PRKG1: variants seen among roughly 807,000 people sequenced by gnomAD.
PRKG1 encodes the protein protein kinase cGMP-dependent 1.
A neutral mutation model predicts 88.1 loss-of-function variants in PRKG1; 35 were observed. The observed-to-expected ratio is 0.40, with a 90% CI of 0.30 to 0.53. The LOEUF is 0.53. Among genes scored for constraint, PRKG1 ranks in the 20% least tolerant of loss-of-function variants. The pLI, the probability that PRKG1 is intolerant of heterozygous loss-of-function variation, is 0.59. For missense variants in PRKG1, 540 were observed against 839.8 expected (o/e 0.64, Z 4.41); for synonymous variants, 303 against 292.5 (o/e 1.04, Z -0.37).
chr10:52,290,356 A>T (rs578073009), intron 17 of PRKG1, 66 bp downstream of exon 17: 2 of 1,338,750 alleles, frequency 1.5e-6, no homozygotes, highest in South Asian at 2.6e-5. Flanking sequence ...GTCAACAATG[A>T]TCTGTTATTT....
chr10:52,129,427 C>G (rs1307130098), intron 7 of PRKG1, among the ~76,000 whole-genome samples: 5 of 152,140 alleles, frequency 3.3e-5, no homozygotes, highest in African/African-American at 1.2e-4. Flanking sequence ...TCTACTATCA[C>G]TCCTAAAATG....
rs770033524 is a variant in PRKG1, at chr10:51,907,007, T to G, written c.699-500T>G. Reference sequence around the variant, plus strand: ...GACTTACAATGAGACTTAAGATTTCTATTTCTATTTGAATGTTAATTCTAG... The same window carrying G: ...GACTTACAATGAGACTTAAGATTTCGATTTCTATTTGAATGTTAATTCTAG... On this transcript the variant is annotated intron_variant, in intron 4 of 17. Transcript: ENST00000373980. Among the ~76,000 whole-genome samples, 3 of 152,200 alleles carry G rather than the reference T, an allele frequency of 2.0e-5. No homozygotes were observed. The East Asian group carries it at 5.8e-4, about 29-fold the overall frequency.
chr10:51,885,958 C>T (rs553661659), intron 4 of PRKG1, among the ~76,000 whole-genome samples: 2 of 152,258 alleles, frequency 1.3e-5, no homozygotes, highest in East Asian at 3.9e-4. Context: ...TTCTCAAAAC[C>T]GCATGGTGCC....
At chr10:51,641,104 A>G (rs541053660) in intron 3 of PRKG1, among the ~76,000 whole-genome samples, 1 of 152,302 alleles carries the variant, frequency 6.6e-6, no homozygotes, top group East Asian at 1.9e-4. Context: ...TAATACTGCA[A>G]AATGAGTGAA....
rs1308706166 is a variant in PRKG1 at position 52,188,240 on chromosome 10, ACATATATATG to A, written c.1076+26278_1076+26287del. The stretch of plus-strand genomic sequence containing the variant: ...TATATATATACATATGTATATATAT[ACATATATATG>A]TGTATATATATACATATGTATATAT... On this transcript the variant is annotated intron_variant, in intron 9 of 17. Coordinates refer to ENST00000373980, the MANE Select transcript of PRKG1 (RefSeq NM_006258.4). Among the ~76,000 whole-genome samples, 54 of 11,294 alleles carry A rather than the reference ACATATATATG, an allele frequency of 4.8e-3. 2 individuals are homozygous for A. The South Asian group carries it at 0.056, about 12-fold the overall frequency. The allele number at this position is 11,294 out of a possible 152,430, so 7.4% of individuals were successfully genotyped here. A position where few individuals can be genotyped will look rare whatever the true frequency, so the allele number is the denominator to read the frequency against.
chr10:52,054,432 T>A, intron 5 of PRKG1, 52 bp from the exon 6 acceptor site: 1 of 1,377,460 alleles, frequency 7.3e-7, no homozygotes, highest in Non-Finnish European at 1.0e-6. Context: ...GCTGAGCTGT[T>A]TGGTAACTTA....
At chr10:51,253,499 A>AT (rs1589282049) in intron 2 of PRKG1, among the ~76,000 whole-genome samples, 1 of 151,888 alleles carries the variant, frequency 6.6e-6, no homozygotes, top group Non-Finnish European at 1.5e-5. Context: ...TGATTTTGAG[A>AT]TTAAAGAGTT....
At chr10:51,251,581 T>A (rs7097901) in intron 2 of PRKG1, among the ~76,000 whole-genome samples, 1,746 of 149,896 alleles carry the variant, frequency 0.012, 33 homozygotes, top group African/African-American at 0.04. Context: ...TCAACTTATA[T>A]GAAGAAATCT....
intron 3 of PRKG1, among the ~76,000 whole-genome samples, chr10:51,640,538 A>C (rs923336823): frequency 6.6e-6 from 1 of 152,194 alleles, no homozygotes; most frequent in African/African-American, 2.4e-5. Context: ...CAACACTAAC[A>C]CACTGGTTAT....
intron 1 of PRKG1, among the ~76,000 whole-genome samples, chr10:51,016,669 C>CTTTGTTTTTTTTTTTTT (rs1323068893): frequency 4.4e-5 from 1 of 22,768 alleles, no homozygotes; most frequent in Non-Finnish European, 8.3e-5. Context: ...TATTATTATC[C>CTTTGTTTTTTTTTTTTT]TTTCTTTTTT....
intron 5 of PRKG1, among the ~76,000 whole-genome samples, chr10:52,015,665 T>C (rs1845020890): frequency 6.6e-6 from 1 of 152,260 alleles, no homozygotes; most frequent in African/African-American, 2.4e-5. Context: ...TTCAAACCTT[T>C]ATGCTTTGCT....
chr10:51,481,126 G>T (rs1840343391), intron 3 of PRKG1, among the ~76,000 whole-genome samples: 1 of 151,996 alleles, frequency 6.6e-6, no homozygotes, highest in Non-Finnish European at 1.5e-5. Flanking sequence ...AAAGAAAAAT[G>T]AAGGAACTTT....
intron 3 of PRKG1, among the ~76,000 whole-genome samples, chr10:51,554,973 A>T (rs1282124631): frequency 6.6e-6 from 1 of 151,966 alleles, no homozygotes; most frequent in Non-Finnish European, 1.5e-5. Flanking sequence ...TACAAAGATG[A>T]TAGCATTATT....
At chr10:52,166,928 C>T (rs549767778) in intron 9 of PRKG1, among the ~76,000 whole-genome samples, 1 of 136,704 alleles carries the variant, frequency 7.3e-6, no homozygotes, top group Admixed American at 7.3e-5. Flanking sequence ...TATATATAAG[C>T]CAAGATAGAG....
At chr10:51,143,277 C>G (rs1845865958) in intron 1 of PRKG1, among the ~76,000 whole-genome samples, 1 of 152,028 alleles carries the variant, frequency 6.6e-6, no homozygotes, top group Non-Finnish European at 1.5e-5. Context: ...ATAATATCCT[C>G]TAGGTTCAAC....
Position 52,062,886 on chromosome 10 carries a change from T to C in PRKG1, c.935+255T>C, listed in dbSNP as rs1392346654. 7.2e-6 allele frequency: 5 copies of C among 694,698 alleles called. No homozygotes were observed. The East Asian group carries it at 1.3e-4, about 19-fold the overall frequency. The allele number at this position is 694,698 out of a possible 1,614,324, so 43.0% of individuals were successfully genotyped here. ...TGGAAACATTTTCAGGTTTGTGTCC[T>C]TAATTGCAATCTCTATAACAACTTC... On this transcript the variant is annotated intron_variant, in intron 7 of 17. Coordinates refer to ENST00000373980, the MANE Select transcript of PRKG1 (RefSeq NM_006258.4).
intron 5 of PRKG1, among the ~76,000 whole-genome samples, chr10:52,037,686 G>A (rs549538321): frequency 1.3e-5 from 2 of 152,290 alleles, no homozygotes; most frequent in South Asian, 2.1e-4. Context: ...CTGGGCAGGA[G>A]GGGGAGGGCT....
intron 7 of PRKG1, among the ~76,000 whole-genome samples, chr10:52,103,596 CTT>C (rs1847345701): frequency 6.6e-6 from 1 of 151,982 alleles, no homozygotes; most frequent in Non-Finnish European, 1.5e-5. Context: ...GTATTAATAA[CTT>C]TGCTATAGGT....
intron 3 of PRKG1, among the ~76,000 whole-genome samples, chr10:51,730,159 TGTA>T (rs1001004560): frequency 1.3e-5 from 2 of 152,040 alleles, no homozygotes; most frequent in African/African-American, 2.4e-5. Context: ...TGTTTTCAGT[TGTA>T]GTAAAATTGG....
Sources: gnomAD v4.1 joint callset for allele counts (sites outside exome capture counted in the v4.1 genomes callset) on GRCh38, gnomAD v4.1.1 for gene constraint, MANE v1.5 for transcripts, NCBI Gene and HGNC (gene_info 2026-07-23, HGNC 2026-07-21) for gene names.